Variants in DNAH10 observed in about 807,000 individuals in gnomAD.
The protein encoded by DNAH10 is axonemal beta dynein heavy chain 10.
In DNAH10, 348 loss-of-function variants were observed where a neutral mutation model predicts 506.6. The ratio of observed to expected loss-of-function variants is 0.69; its 90% CI spans 0.63 to 0.75. DNAH10 has a LOEUF of 0.75. DNAH10 is among the 30% of genes least tolerant of loss of function. DNAH10 has a pLI of 0.00. For missense variants in DNAH10, 5,179 were observed against 5,787.1 expected (o/e 0.89, Z 3.41); for synonymous variants, 2,059 against 2,198.6 (o/e 0.94, Z 1.78).
intron 24 of DNAH10, among the ~76,000 whole-genome samples, chr12:123,824,129 T>G (rs61660955): frequency 0.018 from 2,711 of 152,016 alleles, 94 homozygotes; most frequent in African/African-American, 0.062. Context: ...GCGGTGCAGG[T>G]TGGGAAGCAT....
chr12:123,921,691 G>GTTTT lies in DNAH10; in HGVS notation c.11507-2035_11507-2032dup, dbSNP rs35553163. Among the ~76,000 whole-genome samples the GTTTT allele has an allele frequency of 2.5e-3, 159 of 62,874 alleles. 35 individuals are homozygous for GTTTT. The highest frequency in any genetic ancestry group is 2.9e-3 in the Non-Finnish European group (103 of 35,178). 41.2% of individuals were successfully genotyped at this position (62,874 alleles called of 152,430 possible). A position where few individuals can be genotyped will look rare whatever the true frequency, so the allele number is the denominator to read the frequency against. ...CTTGTCCATCTGTCTGTAGCTTGCA[G>GTTTT]TTTTTTTTTTTTTTTTTTTTTTTTT... On this transcript the variant is annotated intron_variant, in intron 65 of 78. Transcript: ENST00000673944.
chr12:123,763,133 T>C (rs570724318), intron 1 of DNAH10, among the ~76,000 whole-genome samples: 16 of 152,312 alleles, frequency 1.1e-4, no homozygotes, highest in Admixed American at 5.9e-4. Flanking sequence ...GTTTAAAAAC[T>C]ACAGTAGACT....
At chr12:123,908,632 G>T in intron 57 of DNAH10, 1 of 448,052 alleles carries the variant, frequency 2.2e-6, no homozygotes. Context: ...TGGCAGTTCT[G>T]GTTCTCCAGA....
intron 65 of DNAH10, chr12:123,923,480 T>C (rs897648623): frequency 4.0e-5 from 10 of 252,588 alleles, no homozygotes; most frequent in African/African-American, 2.0e-4. Flanking sequence ...TGCCCCTCAC[T>C]GGCTTTTCCT....
chr12:123,879,267 C>T lies in DNAH10; in HGVS notation c.8376C>T (p.Phe2792=). Residue 2792 remains phenylalanine (F), a synonymous_variant, in exon 49 of 79, where the codon TTC becomes TTT. Transcript: ENST00000673944. ...NGLVLTNPER[F]QTVAQMVRVW... is the part of the protein sequence containing the mutation. The stretch of plus-strand genomic sequence containing the variant: ...TTTTGTCCCTTCCATTCTGCAGATT[C>T]CAGACGGTGGCCCAGATGGTGAGAG... 2 of 1,571,840 alleles carry T rather than the reference C, an allele frequency of 1.3e-6. No homozygotes were observed. The highest frequency in any genetic ancestry group is 8.6e-7 in the Non-Finnish European group (1 of 1,157,882).
chr12:123,804,457 G>A (rs1357469309), intron 17 of DNAH10, among the ~76,000 whole-genome samples: 4 of 151,792 alleles, frequency 2.6e-5, no homozygotes, highest in East Asian at 1.9e-4. Flanking sequence ...CCTGGGAGGC[G>A]GAGCTTGCAG....
intron 56 of DNAH10, among the ~76,000 whole-genome samples, chr12:123,900,295 T>C (rs1360345998): frequency 5.3e-5 from 8 of 152,198 alleles, no homozygotes; most frequent in Admixed American, 5.2e-4. Flanking sequence ...AAAACTAGAC[T>C]GGAAGTGTCT....
intron 52 of DNAH10, among the ~76,000 whole-genome samples, chr12:123,891,345 A>G (rs910553530): frequency 1.1e-4 from 17 of 152,190 alleles, no homozygotes; most frequent in African/African-American, 3.9e-4. Context: ...TAAAGTCACA[A>G]TCTGAGCTAC....
rs1374637591 is a variant in DNAH10 at position 123,785,968 on chromosome 12, T to C, written c.1421+32T>C. 4 of 1,592,442 alleles carry C rather than the reference T, an allele frequency of 2.5e-6. No homozygotes were observed. The highest frequency in any genetic ancestry group is 3.4e-6 in the Non-Finnish European group (4 of 1,165,064). On this transcript the variant is annotated intron_variant, in intron 9 of 78. Coordinates refer to ENST00000673944, the MANE Select transcript of DNAH10 (RefSeq NM_001372106.1). The surrounding 1 kb of genome is among the most constrained non-coding windows in gnomAD (Gnocchi z 4.1). ...AGCCATGGCGTTCATTTTTTTGTTT[T>C]GTTTTGTTTCACTTTTTACTTTTTA...
At chr12:123,791,140 C>G (rs1412975291) in intron 11 of DNAH10, among the ~76,000 whole-genome samples, 2 of 151,770 alleles carry the variant, frequency 1.3e-5, no homozygotes, top group Admixed American at 6.6e-5. Flanking sequence ...CAAAAAAAAC[C>G]CAAAAAACAA....
At chr12:123,842,265 T>C (rs1253388394) in intron 30 of DNAH10, among the ~76,000 whole-genome samples, 1 of 152,224 alleles carries the variant, frequency 6.6e-6, no homozygotes, top group Admixed American at 6.5e-5. Context: ...TTAGTGGGAT[T>C]ATGTGTATGT....
At chr12:123,924,087 G>A (rs1001904536) in intron 66 of DNAH10, 191 bp from the exon 67 acceptor site, 9 of 810,512 alleles carry the variant, frequency 1.1e-5, no homozygotes, top group Non-Finnish European at 1.5e-5. Context: ...TCCTGAGGCT[G>A]GAAGCTGGAT....
rs1168556583 is a variant in DNAH10 at position 123,820,710 on chromosome 12, G to A, written c.4131G>A (p.Lys1377=). The A allele has an allele frequency of 6.2e-7, 1 of 1,613,858 alleles. No homozygotes were observed. Among genetic ancestry groups the A allele is most frequent in the East Asian group, 2.2e-5 (1 of 44,890 alleles). Residue 1377 remains lysine, a synonymous_variant, in exon 24 of 79, where the codon AAG becomes AAA. Transcript: ENST00000673944. ...TMYPELLKVQ[K]EMSGLRMIYE... Reference sequence around the variant, plus strand: ...ACCCAGAGCTGCTGAAAGTGCAGAAGGAAATGAGTGGGCTGAGGATGATTT... The same window carrying A: ...ACCCAGAGCTGCTGAAAGTGCAGAAAGAAATGAGTGGGCTGAGGATGATTT...
intron 76 of DNAH10, among the ~76,000 whole-genome samples, 182 bp from the exon 77 acceptor site, chr12:123,933,149 A>C (rs1955297328): frequency 6.6e-6 from 1 of 152,188 alleles, no homozygotes; most frequent in African/African-American, 2.4e-5. Context: ...TAAATCTTTG[A>C]TCTACCTGGA....
At chr12:123,851,356 T>C (rs4424748) in intron 35 of DNAH10, among the ~76,000 whole-genome samples, 55,467 of 128,174 alleles carry the variant, frequency 0.43, 14,827 homozygotes, top group African/African-American at 0.57. Context: ...GGACCTAGGA[T>C]GTGTCAGCTC....
In DNAH10 at chr12:123,894,631, T is replaced by C; in HGVS notation, c.9200-12T>C. On this transcript the variant is annotated splice_polypyrimidine_tract_variant and intron_variant, in intron 53 of 78. Transcript: ENST00000673944. ...GCTGGGAGCATCTTTTTAATCTCTC[T>C]TTCCTTTCAAGGTATGGTAAATAAC... 6.2e-7 allele frequency: 1 copy of C among 1,613,194 alleles called. No homozygotes were observed. The highest frequency in any genetic ancestry group is 8.5e-7 in the Non-Finnish European group (1 of 1,179,182).
chr12:123,881,812 A>C lies in DNAH10; in HGVS notation c.8822A>C (p.Glu2941Ala), dbSNP rs752464207. The change falls in exon 51 of 79, where the codon GAG becomes GCG. Residue 2941 changes from glutamate to alanine, a missense_variant and splice_region_variant. By Grantham distance (107) the Glu-to-Ala change is moderately radical. Around this residue, in one of 3 missense-constraint regions of DNAH10, gnomAD observed 4,844 missense variants for 5,430.5 expected, o/e 0.89. Transcript: ENST00000673944. ...CTGGCTGCCTTCACAGCCAGCTGTG[A>C]GGTCAGTCCACGTACCCTCCCAGAA... ...SRLAAFTASC[E>A]VFEILLSRGY... 6.6e-7 allele frequency: 1 copy of C among 1,509,402 alleles called. No individual in the cohort carries two copies. The highest frequency in any genetic ancestry group is 1.3e-5 in the South Asian group (1 of 78,444). 93.5% of individuals were successfully genotyped at this position (1,509,402 alleles called of 1,614,324 possible). A position where few individuals can be genotyped will look rare whatever the true frequency, so the allele number is the denominator to read the frequency against.
rs199944342 is a variant in DNAH10, at chr12:123,931,860, C to T, written c.13128+13C>T. The T allele has an allele frequency of 1.2e-3, 1,891 of 1,613,688 alleles. 4 individuals are homozygous for T. Among genetic ancestry groups the T allele is most frequent in the Non-Finnish European group, 1.4e-3 (1,680 of 1,179,604 alleles). On this transcript the variant is annotated intron_variant, in intron 75 of 78. Transcript: ENST00000673944. ...TGAACTTCAAAGGGTGAGCCTGTCT[C>T]TCATGTGCAGATTACTGCCTAGATA...
intron 13 of DNAH10, among the ~76,000 whole-genome samples, chr12:123,798,237 G>C (rs989647447): frequency 2.6e-5 from 4 of 152,214 alleles, no homozygotes; most frequent in African/African-American, 9.6e-5. Context: ...TTGCTATAAA[G>C]AAACTGGGTA....
Sources: gnomAD v4.1 joint callset for allele counts (sites outside exome capture counted in the v4.1 genomes callset) on GRCh38, gnomAD v4.1.1 for gene constraint, gnomAD v4.1.1 regional missense constraint, Gnocchi (gnomAD v3.1) non-coding constraint, MANE v1.5 for transcripts, NCBI Gene and HGNC (gene_info 2026-07-23, HGNC 2026-07-21) for gene names.